Variants in ZNF326 observed in about 807,000 individuals in gnomAD.
ZNF326 encodes the protein zinc finger protein 326.
In ZNF326, 30 loss-of-function variants were observed where a neutral mutation model predicts 63.1. The observed-to-expected ratio is 0.48, with a 90% CI of 0.36 to 0.64. ZNF326 has a LOEUF of 0.64. Among genes scored for constraint, ZNF326 ranks in the 30% least tolerant of loss-of-function variants. The pLI, the probability that ZNF326 is intolerant of heterozygous loss-of-function variation, is 0.00. For synonymous variants in ZNF326, 194 were observed against 228.2 expected (o/e 0.85, Z 1.35); for missense variants, 609 against 720.3 (o/e 0.85, Z 1.77).
rs1337985496 is a variant in ZNF326 at position 90,034,005 on chromosome 1, A to AT, written c.*6304_*6305insT. 2 of 152,122 alleles carry AT rather than the reference A, an allele frequency of 1.3e-5. No individual in the cohort carries two copies. The highest frequency in any genetic ancestry group is 2.9e-5 in the Non-Finnish European group (2 of 67,978). 9.4% of individuals were successfully genotyped at this position (152,122 alleles called of 1,614,324 possible). On this transcript the variant is annotated 3_prime_UTR_variant, in exon 12 of 12. Coordinates refer to ENST00000340281, the MANE Select transcript of ZNF326 (RefSeq NM_182976.4). ...TAGAAGTCTCCAGTGCTGAGCAAAAACAATGAAAAAGTCATGCAGGATGAA... is the reference window on the plus strand; with the variant it reads ...TAGAAGTCTCCAGTGCTGAGCAAAAATCAATGAAAAAGTCATGCAGGATGAA...
intron 11 of ZNF326, among the ~76,000 whole-genome samples, chr1:90,025,455 C>T (rs972235713): frequency 9.2e-5 from 14 of 152,042 alleles, no homozygotes; most frequent in South Asian, 2.1e-4. Flanking sequence ...AATTTTTGCC[C>T]GAAATGCTTC....
Position 90,007,812 on chromosome 1 carries a change from A to G in ZNF326, c.615+62A>G, listed in dbSNP as rs1649058055. ...AGTCACTCTTTTAAACCCTTTCAAG[A>G]CCATCGTTTTCAACTAGAATAAACA... On this transcript the variant is annotated intron_variant, in intron 5 of 11. Transcript: ENST00000340281. The surrounding 1 kb of genome is among the most constrained non-coding windows in gnomAD (Gnocchi z 4.9). 3 of 1,389,622 alleles carry G rather than the reference A, an allele frequency of 2.2e-6. No individual in the cohort carries two copies. The highest frequency in any genetic ancestry group is 1.9e-6 in the Non-Finnish European group (2 of 1,056,750). The allele number at this position is 1,389,622 out of a possible 1,614,324, so 86.1% of individuals were successfully genotyped here.
At chr1:90,004,336 A>G (rs1225001429) in intron 2 of ZNF326, among the ~76,000 whole-genome samples, 1 of 152,248 alleles carries the variant, frequency 6.6e-6, no homozygotes, top group Non-Finnish European at 1.5e-5. Flanking sequence ...CTAATTGGAA[A>G]TGTGGCTGCT....
Position 89,995,136 on chromosome 1 carries a change from G to T in ZNF326, c.-122G>T. The stretch of plus-strand genomic sequence containing the variant: ...GCCTCGCTGTGGCCTGCGGCTCCCG[G>T]GCTGGTAGCGCGCCGCTCTCGGTCG... On this transcript the variant is annotated 5_prime_UTR_variant, in exon 1 of 12. Transcript: ENST00000340281. The T allele has an allele frequency of 1.6e-6, 2 of 1,263,708 alleles. No individual in the cohort carries two copies. The highest frequency in any genetic ancestry group is 1.1e-6 in the Non-Finnish European group (1 of 921,198). 78.3% of individuals were successfully genotyped at this position (1,263,708 alleles called of 1,614,324 possible).
In ZNF326 at chr1:89,997,848, T is replaced by C. The variant is rs186315194; in HGVS notation, c.17-262T>C. 7.0e-3 allele frequency among the ~76,000 whole-genome samples: 1,066 copies of C among 152,360 alleles called. 8 individuals are homozygous for C. The highest frequency in any genetic ancestry group is 0.011 in the Non-Finnish European group (728 of 68,032). ...AGTGCTGAATCCCCTCTTTTGGCTGTTATTATGTATCAGGTGTTGTAAACT... is the reference window on the plus strand; with the variant it reads ...AGTGCTGAATCCCCTCTTTTGGCTGCTATTATGTATCAGGTGTTGTAAACT... On this transcript the variant is annotated intron_variant, in intron 1 of 11. Coordinates refer to ENST00000340281, the MANE Select transcript of ZNF326 (RefSeq NM_182976.4).
chr1:89,995,167 A>G lies in ZNF326; in HGVS notation c.-91A>G, dbSNP rs2101040879. On this transcript the variant is annotated 5_prime_UTR_variant, in exon 1 of 12. Transcript: ENST00000340281. ...TAGCGCGCCGCTCTCGGTCGCGCGG[A>G]GTGATCGTGTGGAATCGCGGGTCGC... The G allele has an allele frequency of 1.4e-6, 2 of 1,448,596 alleles. No homozygotes were observed. Among genetic ancestry groups the G allele is most frequent in the African/African-American group, 1.5e-5 (1 of 67,836 alleles). The allele number at this position is 1,448,596 out of a possible 1,614,324, so 89.7% of individuals were successfully genotyped here. A position where few individuals can be genotyped will look rare whatever the true frequency, so the allele number is the denominator to read the frequency against.
chr1:90,024,703 C>G (rs1649929799), intron 11 of ZNF326, among the ~76,000 whole-genome samples: 1 of 152,078 alleles, frequency 6.6e-6, no homozygotes, highest in Non-Finnish European at 1.5e-5. Flanking sequence ...CAGCCTTGAA[C>G]TCCTGGGTTT....
intron 2 of ZNF326, among the ~76,000 whole-genome samples, chr1:90,001,867 GT>G (rs931692625): frequency 5.3e-5 from 8 of 151,960 alleles, no homozygotes; most frequent in South Asian, 4.2e-4. Flanking sequence ...CCATAGGTCA[GT>G]TTTTTTTCCC....
rs576543754 is a variant in ZNF326 at position 90,006,522 on chromosome 1, C to T, written c.210-823C>T. 1,333 of 966,312 alleles carry T rather than the reference C, an allele frequency of 1.4e-3. 1 individual carries two copies. The highest frequency in any genetic ancestry group is 1.5e-3 in the Non-Finnish European group (1,201 of 812,636). The allele number at this position is 966,312 out of a possible 1,614,324, so 59.9% of individuals were successfully genotyped here. A position where few individuals can be genotyped will look rare whatever the true frequency, so the allele number is the denominator to read the frequency against. Reference sequence around the variant, plus strand: ...TCTTCTGTTAACTCTCTTAAAACCTCGAGGAGACTGTGTGCTCCCTTTTTT... The same window carrying T: ...TCTTCTGTTAACTCTCTTAAAACCTTGAGGAGACTGTGTGCTCCCTTTTTT... On this transcript the variant is annotated intron_variant, in intron 4 of 11. Coordinates refer to ENST00000340281, the MANE Select transcript of ZNF326 (RefSeq NM_182976.4).
rs770760750 is a variant in ZNF326, at chr1:90,031,053, C to A, written c.*3352C>A. On this transcript the variant is annotated 3_prime_UTR_variant, in exon 12 of 12. Transcript: ENST00000340281. Reference sequence around the variant, plus strand: ...TGAGGACATTCATAGGGCCCTCATACAAATTTCTGGTGCCTGTAACTCTTC... The same window carrying A: ...TGAGGACATTCATAGGGCCCTCATAAAAATTTCTGGTGCCTGTAACTCTTC... 1.3e-4 allele frequency: 20 copies of A among 152,174 alleles called. No homozygotes were observed. Among genetic ancestry groups the A allele is most frequent in the Admixed American group, 5.9e-4 (9 of 15,282 alleles). The allele number at this position is 152,174 out of a possible 1,614,324, so 9.4% of individuals were successfully genotyped here.
intron 1 of ZNF326, among the ~76,000 whole-genome samples, chr1:89,996,498 C>A (rs763787214): frequency 1.3e-5 from 2 of 152,162 alleles, no homozygotes; most frequent in Admixed American, 6.5e-5. Context: ...ATAGTAAGTT[C>A]AGCTCTTAAG....
rs1650237815 is a variant in ZNF326, at chr1:90,030,824, C to T, written c.*3123C>T. Reference sequence around the variant, plus strand: ...GGGACCACAGACGTGCACCATCACACTCAGCTAATATTTTTTTTGTAGAGA... The same window carrying T: ...GGGACCACAGACGTGCACCATCACATTCAGCTAATATTTTTTTTGTAGAGA... On this transcript the variant is annotated 3_prime_UTR_variant, in exon 12 of 12. Coordinates refer to ENST00000340281, the MANE Select transcript of ZNF326 (RefSeq NM_182976.4). 6.6e-6 allele frequency: 1 copy of T among 152,304 alleles called. No individual in the cohort carries two copies. 9.4% of individuals were successfully genotyped at this position (152,304 alleles called of 1,614,324 possible). A position where few individuals can be genotyped will look rare whatever the true frequency, so the allele number is the denominator to read the frequency against.
At chr1:90,018,291 C>CAAAA (rs990615746) in intron 8 of ZNF326, among the ~76,000 whole-genome samples, 3 of 93,914 alleles carry the variant, frequency 3.2e-5, no homozygotes, top group African/African-American at 1.1e-4. Context: ...GACTCCATCT[C>CAAAA]AAAAAAAAAA....
rs1393326835 is a variant in ZNF326, at chr1:90,010,171, T to A, written c.699T>A (p.Ala233=). The A allele has an allele frequency of 6.2e-7, 1 of 1,613,892 alleles. No individual in the cohort carries two copies. The highest frequency in any genetic ancestry group is 2.2e-5 in the East Asian group (1 of 44,840). The part of the protein sequence containing the change: ...QNKSTNVTVA[A]ARGIKRKMMQ... ...AATCCACCAATGTGACAGTTGCTGC[T>A]GCAAGAGGAATAAAGAGAAAAATGA... The change falls in exon 6 of 12, where the codon GCT becomes GCA. Residue 233 remains alanine (A), a synonymous_variant. Coordinates refer to ENST00000340281, the MANE Select transcript of ZNF326 (RefSeq NM_182976.4).
At chr1:90,020,991 A>G in intron 10 of ZNF326, 69 bp downstream of exon 10, 4 of 1,497,598 alleles carry the variant, frequency 2.7e-6, no homozygotes, top group Non-Finnish European at 3.7e-6. Context: ...CTTTGGCCAT[A>G]GCTTCACACC....
At chr1:90,018,148 C>G (rs1271548655) in intron 8 of ZNF326, among the ~76,000 whole-genome samples, 1 of 151,952 alleles carries the variant, frequency 6.6e-6, no homozygotes, top group African/African-American at 2.4e-5. Flanking sequence ...AAAAATTAGC[C>G]AGGCGTGGTG....
chr1:90,005,049 C>G lies in ZNF326; in HGVS notation c.97+11C>G. ...CTGGATCTTATGGAGGTCTGACATT[C>G]AAGGATATTTATCTAAAAATTCTTC... On this transcript the variant is annotated intron_variant, in intron 3 of 11. Transcript: ENST00000340281. 1 of 1,613,884 alleles carries G rather than the reference C, an allele frequency of 6.2e-7. No homozygotes were observed. The highest frequency in any genetic ancestry group is 8.5e-7 in the Non-Finnish European group (1 of 1,179,958).
rs1465842047 is a variant in ZNF326, at chr1:90,035,290, T to C, written c.*7589T>C. ...AGAGACAAACATCCAAGAGAAACAG[T>C]TGAAAAACTATTAGAAATGACAAAA... On this transcript the variant is annotated 3_prime_UTR_variant, in exon 12 of 12. Transcript: ENST00000340281. 1 of 152,222 alleles carries C rather than the reference T, an allele frequency of 6.6e-6. No homozygotes were observed. Among genetic ancestry groups the C allele is most frequent in the East Asian group, 1.9e-4 (1 of 5,200 alleles). The allele number at this position is 152,222 out of a possible 1,614,324, so 9.4% of individuals were successfully genotyped here.
Position 90,017,415 on chromosome 1 carries a change from A to G in ZNF326, c.1025A>G (p.His342Arg). ...ESSSHQETLD[H>R]IQKQTKFDKV... ...TCTTCACATCAGGAAACATTAGATC[A>G]TATACAGAAACAAACTAAATTTGAT... Residue 342 changes from histidine to arginine, a missense_variant, in exon 8 of 12, where the codon CAT (histidine) becomes CGT (arginine). Around this residue, in one of 3 missense-constraint regions of ZNF326, gnomAD observed 399 missense variants for 444.3 expected, o/e 0.90. Coordinates refer to ENST00000340281, the MANE Select transcript of ZNF326 (RefSeq NM_182976.4). 6.2e-7 allele frequency: 1 copy of G among 1,600,646 alleles called. No homozygotes were observed. The highest frequency in any genetic ancestry group is 8.5e-7 in the Non-Finnish European group (1 of 1,176,352).
Sources: allele counts gnomAD v4.1 joint callset (sites outside exome capture counted in the v4.1 genomes callset), GRCh38; gene constraint gnomAD v4.1.1; regional missense constraint gnomAD v4.1.1; non-coding constraint Gnocchi (gnomAD v3.1); transcripts MANE v1.5; gene names NCBI Gene and HGNC (gene_info 2026-07-23, HGNC 2026-07-21).